Variants in ANK3 observed in about 807,000 individuals in gnomAD.
ANK3 encodes ankyrin 3, also known as ankyrin-3.
In ANK3, 57 loss-of-function variants were observed where a neutral mutation model predicts 370.9. The observed-to-expected ratio is 0.15, with a 90% CI of 0.12 to 0.19. The LOEUF (loss-of-function observed/expected upper bound fraction) is 0.19, where lower values mean the gene tolerates loss of function less well. ANK3 is among the 10% of genes least tolerant of loss of function. The pLI is 1.00. For synonymous variants in ANK3, 1,929 were observed against 1,946.3 expected (o/e 0.99, Z 0.23); for missense variants, 4,439 against 5,302.1 (o/e 0.84, Z 5.06).
At chr10:60,128,729 G>A (rs759817001) in intron 25 of ANK3, among the ~76,000 whole-genome samples, 5 of 152,080 alleles carry the variant, frequency 3.3e-5, no homozygotes, top group African/African-American at 4.8e-5. Context: ...GGGATATTGT[G>A]AACTATAAAC....
chr10:60,431,213 T>C (rs758810620), intron 2 of ANK3, among the ~76,000 whole-genome samples: 2 of 152,288 alleles, frequency 1.3e-5, no homozygotes, highest in African/African-American at 2.4e-5. Context: ...GTGATGGTGA[T>C]AGTGACAAAT....
intron 2 of ANK3, among the ~76,000 whole-genome samples, chr10:60,480,905 T>G (rs996691207): frequency 2.6e-5 from 4 of 152,196 alleles, no homozygotes; most frequent in Non-Finnish European, 5.9e-5. Context: ...TCATTATAGA[T>G]TACCATGTTC....
Position 60,297,853 on chromosome 10 carries a change from G to A in ANK3, c.115-18214C>T, listed in dbSNP as rs188406090. ...AACAAACACTATAATAGTCTCAGCAGCAAAAGACAAGTTTTGTGATTTCTT... is the reference window on the plus strand; with the variant it reads ...AACAAACACTATAATAGTCTCAGCAACAAAAGACAAGTTTTGTGATTTCTT... On this transcript the variant is annotated intron_variant, in intron 1 of 43. Coordinates refer to ENST00000280772, the MANE Select transcript of ANK3 (RefSeq NM_020987.5). 2.2e-4 allele frequency among the ~76,000 whole-genome samples: 33 copies of A among 152,164 alleles called. 1 individual carries two copies. In the East Asian group the frequency reaches 5.4e-3, roughly 25 times the overall value.
chr10:60,319,420 A>G (rs1410087195), intron 1 of ANK3, among the ~76,000 whole-genome samples: 1 of 152,206 alleles, frequency 6.6e-6, no homozygotes, highest in African/African-American at 2.4e-5. Flanking sequence ...GTAGTCTCCC[A>G]TCATGACAAC....
intron 25 of ANK3, 133 bp downstream of exon 25, chr10:60,134,138 G>A (rs2094224696): frequency 1.0e-5 from 7 of 691,352 alleles, no homozygotes; most frequent in South Asian, 2.1e-5. Flanking sequence ...TTTTTAACTG[G>A]CTAGTACCAG....
chr10:60,362,989 T>A (rs1369853361), intron 1 of ANK3, among the ~76,000 whole-genome samples: 1 of 150,544 alleles, frequency 6.6e-6, no homozygotes, highest in Non-Finnish European at 1.5e-5. Context: ...CCATTGGATA[T>A]TCCCAAGCCG....
At position 60,068,947 on chromosome 10, in the gene ANK3, G is replaced by GGTGGTGGTGGTAGTGGTGGTA; in HGVS notation, c.11913_11933dup (p.Thr3972_Thr3978dup). ...TTTTCCTAACTTTAACTGTGCAGCT[G>GGTGGTGGTGGTAGTGGTGGTA]GTGGTGGTGGTAGTGGTGGTAGTGG... On this transcript the variant is annotated inframe_insertion, in exon 37 of 44. Transcript: ENST00000280772. 5 of 1,613,988 alleles carry GGTGGTGGTGGTAGTGGTGGTA rather than the reference G, an allele frequency of 3.1e-6. No individual in the cohort carries two copies. The South Asian group carries it at 5.5e-5, about 18-fold the overall frequency.
chr10:60,534,706 A>G (rs976505297), intron 2 of ANK3, among the ~76,000 whole-genome samples: 2 of 152,148 alleles, frequency 1.3e-5, no homozygotes, highest in Non-Finnish European at 2.9e-5. Context: ...TAGCGTTATT[A>G]GTATATGTGA....
chr10:60,355,612 C>A (rs189351374), intron 1 of ANK3, among the ~76,000 whole-genome samples: 24 of 152,258 alleles, frequency 1.6e-4, no homozygotes, highest in Admixed American at 1.4e-3. Flanking sequence ...GCTGAACAAC[C>A]AAAGGCTCCC....
At chr10:60,335,962 G>A (rs953593460) in intron 1 of ANK3, among the ~76,000 whole-genome samples, 6 of 152,126 alleles carry the variant, frequency 3.9e-5, no homozygotes, top group Non-Finnish European at 8.8e-5. Flanking sequence ...AGAATTTTAA[G>A]GAGCAATAAC....
chr10:60,224,542 G>C (rs2097108671), intron 8 of ANK3, among the ~76,000 whole-genome samples: 1 of 152,142 alleles, frequency 6.6e-6, no homozygotes, highest in Non-Finnish European at 1.5e-5. Context: ...GTCTTTAGCA[G>C]GTCAAATTTG....
intron 8 of ANK3, among the ~76,000 whole-genome samples, 197 bp from the exon 9 acceptor site, chr10:60,213,707 G>C (rs566883249): frequency 1.3e-5 from 2 of 152,150 alleles, no homozygotes; most frequent in Non-Finnish European, 2.9e-5. Context: ...TAGCTGCAAA[G>C]TATGTAATTT....
intron 1 of ANK3, among the ~76,000 whole-genome samples, chr10:60,295,871 A>G (rs763315857): frequency 6.6e-6 from 1 of 152,206 alleles, no homozygotes; most frequent in Admixed American, 6.5e-5. Flanking sequence ...AATAAAAAAG[A>G]TGAGATGAAT....
intron 1 of ANK3, among the ~76,000 whole-genome samples, chr10:60,323,987 G>A (rs557904855): frequency 2.4e-4 from 36 of 152,290 alleles, no homozygotes; most frequent in Admixed American, 5.2e-4. Flanking sequence ...GAGAGGGTTC[G>A]TGAGGGACCC....
At chr10:60,459,296 A>G (rs2064826272) in intron 2 of ANK3, among the ~76,000 whole-genome samples, 1 of 152,092 alleles carries the variant, frequency 6.6e-6, no homozygotes, top group Non-Finnish European at 1.5e-5. Context: ...TCTGTCATAA[A>G]CAGCACACCT....
intron 23 of ANK3, chr10:60,140,054 T>G: frequency 2.2e-6 from 1 of 461,494 alleles, no homozygotes. Flanking sequence ...TTCTCAAAGG[T>G]AAGTGATTCA....
In ANK3 at chr10:60,072,952, A is replaced by G. The variant is rs1037322278; in HGVS notation, c.7929T>C (p.Asn2643=). ...KVLLTELLAS[N]DEWVKARQHG... ...GCTGTCTTGCCTTAACCCACTCATCATTGGATGCCAGCAGTTCTGTCAGTA... is the reference window on the plus strand; with the variant it reads ...GCTGTCTTGCCTTAACCCACTCATCGTTGGATGCCAGCAGTTCTGTCAGTA... Residue 2643 remains asparagine, a synonymous_variant, in exon 37 of 44, where the codon AAT becomes AAC. Coordinates refer to ENST00000280772, the MANE Select transcript of ANK3 (RefSeq NM_020987.5). 2 of 1,613,966 alleles carry G rather than the reference A, an allele frequency of 1.2e-6. No homozygotes were observed. The highest frequency in any genetic ancestry group is 1.7e-6 in the Non-Finnish European group (2 of 1,179,984).
intron 8 of ANK3, among the ~76,000 whole-genome samples, chr10:60,224,977 A>T (rs1592015826): frequency 6.6e-6 from 1 of 150,732 alleles, no homozygotes; most frequent in East Asian, 2.0e-4. Context: ...GTAATGGCAC[A>T]ATCTCAGCTC....
intron 1 of ANK3, among the ~76,000 whole-genome samples, chr10:60,330,727 A>G (rs1478250971): frequency 6.6e-6 from 1 of 152,172 alleles, no homozygotes; most frequent in African/African-American, 2.4e-5. Flanking sequence ...AAGGATCTAG[A>G]ACTAGAAATA....
Sources: gnomAD v4.1 joint callset for allele counts (sites outside exome capture counted in the v4.1 genomes callset) on GRCh38, gnomAD v4.1.1 for gene constraint, MANE v1.5 for transcripts, NCBI Gene and HGNC (gene_info 2026-07-23, HGNC 2026-07-21) for gene names.